The following NAA15 variants were observed in gnomAD, a reference collection of about 807,000 sequenced individuals.
The protein encoded by NAA15 is N-alpha-acetyltransferase 15, NatA auxiliary subunit.
In NAA15, 34 loss-of-function variants were observed where a neutral mutation model predicts 114.0. The ratio of observed to expected loss-of-function variants is 0.30; its 90% CI spans 0.23 to 0.40. The LOEUF (loss-of-function observed/expected upper bound fraction) is 0.40. Among genes scored for constraint, NAA15 ranks in the 10% least tolerant of loss-of-function variants. NAA15 has a pLI of 1.00. For synonymous variants in NAA15, 340 were observed against 338.0 expected (o/e 1.01, Z -0.06); for missense variants, 658 against 1,004.5 (o/e 0.66, Z 4.66).
intron 1 of NAA15, among the ~76,000 whole-genome samples, chr4:139,327,827 C>T (rs538280347): frequency 2.3e-4 from 35 of 151,740 alleles, no homozygotes; most frequent in African/African-American, 7.7e-4. Flanking sequence ...CACCACACCC[C>T]GCTAATTTTG....
At chr4:139,338,457 C>G (rs931780616) in intron 3 of NAA15, among the ~76,000 whole-genome samples, 1 of 151,474 alleles carries the variant, frequency 6.6e-6, no homozygotes, top group Non-Finnish European at 1.5e-5. Flanking sequence ...TTTGTTTGTG[C>G]TTTTTTTTAG....
At chr4:139,320,967 C>T (rs1025985763) in intron 1 of NAA15, among the ~76,000 whole-genome samples, 5 of 152,168 alleles carry the variant, frequency 3.3e-5, no homozygotes, top group Non-Finnish European at 7.3e-5. Context: ...TTTTTATCCT[C>T]TGGCTAGAAA....
At chr4:139,371,496 A>AGC (rs774315540) in intron 15 of NAA15, among the ~76,000 whole-genome samples, 2,669 of 41,744 alleles carry the variant, frequency 0.064, 99 homozygotes, top group East Asian at 0.23. Flanking sequence ...AAAGAAAAGT[A>AGC]GCACACACAC....
intron 1 of NAA15, among the ~76,000 whole-genome samples, chr4:139,332,224 G>A (rs572708441): frequency 1.3e-5 from 2 of 152,004 alleles, no homozygotes; most frequent in South Asian, 2.1e-4. Flanking sequence ...TCTGCCTCTC[G>A]GGTTCAAACG....
rs1317237669 is a variant in NAA15, at chr4:139,388,097, A to C, written c.*13A>C. ...CAATGAAATTTGAACATCACTAAACAAGCAAATGGAATGACTTTGGACCAT... is the reference window on the plus strand; with the variant it reads ...CAATGAAATTTGAACATCACTAAACCAGCAAATGGAATGACTTTGGACCAT... On this transcript the variant is annotated 3_prime_UTR_variant, in exon 20 of 20. Transcript: ENST00000296543. The C allele has an allele frequency of 6.2e-7, 1 of 1,610,530 alleles. No homozygotes were observed. The highest frequency in any genetic ancestry group is 8.5e-7 in the Non-Finnish European group (1 of 1,177,564).
In NAA15 at chr4:139,378,829, G is replaced by A; in HGVS notation, c.2130G>A (p.Glu710=). ...AIDSSHPWLH[E]CMIRLFNTAV... The stretch of plus-strand genomic sequence containing the variant: ...ATTCTAGTCATCCCTGGCTTCATGA[G>A]TGTATGATTCGTCTCTTTAATACTG... Residue 710 remains glutamate (E), a synonymous_variant, in exon 17 of 20, where the codon GAG becomes GAA. Coordinates refer to ENST00000296543, the MANE Select transcript of NAA15 (RefSeq NM_057175.5). 3.2e-6 allele frequency: 5 copies of A among 1,558,510 alleles called. No homozygotes were observed. The highest frequency in any genetic ancestry group is 4.3e-6 in the Non-Finnish European group (5 of 1,162,550).
intron 1 of NAA15, among the ~76,000 whole-genome samples, chr4:139,310,145 A>G (rs1337577690): frequency 6.6e-6 from 1 of 152,148 alleles, no homozygotes. Context: ...ATTCAAATAT[A>G]TCTTCTTTCT....
rs1560976143 is a variant in NAA15 at position 139,366,316 on chromosome 4, A to G, written c.1754-3895A>G. ...ATCCATTTCCTAGATGGCTTACTCA[A>G]CCTGGCTGTTGGCATGAGACCTTAG... On this transcript the variant is annotated intron_variant, in intron 14 of 19. Transcript: ENST00000296543. Among the ~76,000 whole-genome samples the G allele has an allele frequency of 2.6e-5, 4 of 152,238 alleles. No individual in the cohort carries two copies. The South Asian group carries it at 8.3e-4, about 32-fold the overall frequency.
intron 15 of NAA15, among the ~76,000 whole-genome samples, chr4:139,371,474 T>TA (rs771223256): frequency 1.4e-3 from 106 of 77,998 alleles, no homozygotes; most frequent in African/African-American, 2.3e-3. Flanking sequence ...CTCTGTCTCT[T>TA]AAAAAAAAAA....
At chr4:139,348,369 G>A (rs1251162298) in intron 6 of NAA15, among the ~76,000 whole-genome samples, 1 of 150,994 alleles carries the variant, frequency 6.6e-6, no homozygotes, top group African/African-American at 2.4e-5. Context: ...TGGTAGGATC[G>A]CTTTAGGAGG....
intron 13 of NAA15, among the ~76,000 whole-genome samples, chr4:139,361,089 C>T (rs972785908): frequency 6.6e-6 from 1 of 152,110 alleles, no homozygotes; most frequent in Non-Finnish European, 1.5e-5. Flanking sequence ...ATTCTCTTCA[C>T]GTCTGACTCA....
Position 139,361,833 on chromosome 4 carries a change from A to G in NAA15, c.1649A>G (p.Gln550Arg), listed in dbSNP as rs1380359917. Residue 550 changes from glutamine to arginine, a missense_variant, in exon 14 of 20, where the codon CAG (glutamine) becomes CGG (arginine). Gln to Arg is a conservative substitution (Grantham distance 43). Around this residue, in one of 6 missense-constraint regions of NAA15, gnomAD observed 275 missense variants for 371.1 expected, o/e 0.74. Coordinates refer to ENST00000296543, the MANE Select transcript of NAA15 (RefSeq NM_057175.5). ...TTAAAACTAGAAGATGTACTTCGAC[A>G]GCATCCATTTTACTTCAAGGCAGCA... ...DLLKLEDVLR[Q>R]HPFYFKAARI... 2 of 1,613,472 alleles carry G rather than the reference A, an allele frequency of 1.2e-6. No individual in the cohort carries two copies. Among genetic ancestry groups the G allele is most frequent in the Non-Finnish European group, 1.7e-6 (2 of 1,179,628 alleles).
chr4:139,354,483 G>C (rs1047466081), intron 10 of NAA15, among the ~76,000 whole-genome samples: 2 of 151,994 alleles, frequency 1.3e-5, no homozygotes, highest in Admixed American at 6.6e-5. Flanking sequence ...ATTTTTTGTA[G>C]ACTTAGGGTC....
intron 11 of NAA15, among the ~76,000 whole-genome samples, chr4:139,358,702 C>T (rs1269474332): frequency 5.9e-5 from 9 of 152,118 alleles, no homozygotes; most frequent in African/African-American, 1.7e-4. Context: ...AGTTAGGTAA[C>T]TTAGAATGAG....
rs541002925 is a variant in NAA15 at position 139,336,607 on chromosome 4, C to CAG, written c.140-241_140-240insAG. On this transcript the variant is annotated intron_variant, in intron 2 of 19. Transcript: ENST00000296543. ...ATAGCATGCATTTTGTATCTTTTAT[C>CAG]TTAAAAAAAAGGAGAGTCTCTTTCC... Among the ~76,000 whole-genome samples, 63 of 151,622 alleles carry CAG rather than the reference C, an allele frequency of 4.2e-4. 1 individual carries two copies. Among genetic ancestry groups the CAG allele is most frequent in the African/African-American group, 1.4e-3 (59 of 41,296 alleles).
At chr4:139,362,454 G>T (rs573858442) in intron 14 of NAA15, among the ~76,000 whole-genome samples, 9 of 152,224 alleles carry the variant, frequency 5.9e-5, no homozygotes, top group African/African-American at 2.2e-4. Context: ...TGTGTTTTTA[G>T]TGGAGACGGG....
chr4:139,354,850 A>G (rs1020019547), intron 10 of NAA15, among the ~76,000 whole-genome samples: 1 of 152,132 alleles, frequency 6.6e-6, no homozygotes, highest in Non-Finnish European at 1.5e-5. Flanking sequence ...CTAAAACATA[A>G]CCTAATACCA....
intron 1 of NAA15, among the ~76,000 whole-genome samples, chr4:139,330,906 A>C (rs1746978829): frequency 6.6e-6 from 1 of 152,202 alleles, no homozygotes; most frequent in African/African-American, 2.4e-5. Flanking sequence ...TTCATGCTAA[A>C]ATGTGAAATT....
chr4:139,318,926 A>G (rs1360287499), intron 1 of NAA15, among the ~76,000 whole-genome samples: 1 of 152,198 alleles, frequency 6.6e-6, no homozygotes, highest in Admixed American at 6.5e-5. Flanking sequence ...ATAAAAGAAA[A>G]CAGAATTCTT....
Sources: gnomAD v4.1 joint callset for allele counts (sites outside exome capture counted in the v4.1 genomes callset) on GRCh38, gnomAD v4.1.1 for gene constraint, gnomAD v4.1.1 regional missense constraint, MANE v1.5 for transcripts, NCBI Gene and HGNC (gene_info 2026-07-23, HGNC 2026-07-21) for gene names.